The following DRC11 variants were observed in gnomAD, a reference collection of about 807,000 sequenced individuals.
The protein encoded by DRC11 is IQ and AAA domain-containing protein 1.
chr2:236,419,316 C>T, the DRC11 span: 24 of 1,509,096 alleles, frequency 1.6e-5, no homozygotes, highest in Non-Finnish European at 1.8e-5. This position sits in a 1 kb window ranked among gnomAD's most constrained non-coding sequence, Gnocchi z 4.8. Flanking sequence ...AGATCCCTAT[C>T]AAGAGAAGGA....
chr2:236,315,255 G>A, the DRC11 span, among the ~76,000 whole-genome samples: 2 of 152,186 alleles, frequency 1.3e-5, no homozygotes, highest in Non-Finnish European at 2.9e-5. This position sits in a 1 kb window ranked among gnomAD's most constrained non-coding sequence, Gnocchi z 5.1. Flanking sequence ...CTGGAGCTTT[G>A]GGTCAATCAC....
At chr2:236,500,453 C>G in the DRC11 span, among the ~76,000 whole-genome samples, 2 of 152,054 alleles carry the variant, frequency 1.3e-5, no homozygotes, top group Non-Finnish European at 2.9e-5. The surrounding 1 kb of genome is among the most constrained non-coding windows in gnomAD (Gnocchi z 6.3). Context: ...GCGTAAAAAC[C>G]AACACTCTTC....
At chr2:236,477,757 A>G in the DRC11 span, among the ~76,000 whole-genome samples, 1 of 151,978 alleles carries the variant, frequency 6.6e-6, no homozygotes, top group Admixed American at 6.6e-5. Context: ...TCATGGTTCA[A>G]TTTTGGTAGG....
At chr2:236,321,485 C>G in the DRC11 span, among the ~76,000 whole-genome samples, 1 of 152,212 alleles carries the variant, frequency 6.6e-6, no homozygotes, top group African/African-American at 2.4e-5. Context: ...CTAAGCGTAT[C>G]TACACTCCCT....
the DRC11 span, among the ~76,000 whole-genome samples, chr2:236,316,767 C>G: frequency 6.6e-6 from 1 of 152,162 alleles, no homozygotes; most frequent in Non-Finnish European, 1.5e-5. This position sits in a 1 kb window ranked among gnomAD's most constrained non-coding sequence, Gnocchi z 6.8. Context: ...CCTGACCACA[C>G]CAAGTTGGAA....
the DRC11 span, among the ~76,000 whole-genome samples, chr2:236,362,017 G>A: frequency 6.6e-6 from 1 of 152,036 alleles, no homozygotes; most frequent in Non-Finnish European, 1.5e-5. This position sits in a 1 kb window ranked among gnomAD's most constrained non-coding sequence, Gnocchi z 5.7. Context: ...GGACAAAAAG[G>A]GTCATTTCAT....
At chr2:236,409,778 G>A in the DRC11 span, among the ~76,000 whole-genome samples, 556 of 151,992 alleles carry the variant, frequency 3.7e-3, 10 homozygotes, top group African/African-American at 0.013. Context: ...TTTGAAATAC[G>A]TCCCATCAAT....
chr2:236,491,689 C>G, the DRC11 span, among the ~76,000 whole-genome samples: 4 of 152,078 alleles, frequency 2.6e-5, no homozygotes, highest in African/African-American at 9.7e-5. Flanking sequence ...GATGCATGGA[C>G]AGAAAGCACA....
the DRC11 span, among the ~76,000 whole-genome samples, chr2:236,501,431 A>G: frequency 6.6e-6 from 1 of 152,128 alleles, no homozygotes; most frequent in Non-Finnish European, 1.5e-5. Flanking sequence ...CCATCACTCA[A>G]AAGAACAACA....
the DRC11 span, among the ~76,000 whole-genome samples, chr2:236,354,259 ATGTGTGCG>A: frequency 6.6e-6 from 1 of 151,198 alleles, no homozygotes; most frequent in Admixed American, 6.6e-5. Context: ...TAGTGTGCAC[ATGTGTGCG>A]TGTGTGTGTA....
At chr2:236,477,825 A>G in the DRC11 span, among the ~76,000 whole-genome samples, 1 of 152,154 alleles carries the variant, frequency 6.6e-6, no homozygotes, top group South Asian at 2.1e-4. Context: ...GTTGGTGTAC[A>G]GTTTTTTTGT....
the DRC11 span, among the ~76,000 whole-genome samples, chr2:236,495,217 C>T: frequency 1.3e-5 from 2 of 152,234 alleles, no homozygotes; most frequent in Admixed American, 1.3e-4. This position sits in a 1 kb window ranked among gnomAD's most constrained non-coding sequence, Gnocchi z 5.6. Flanking sequence ...GTGGCATGCA[C>T]CTGTAATCCC....
At chr2:236,331,534 C>T in the DRC11 span, 1 of 1,613,966 alleles carries the variant, frequency 6.2e-7, no homozygotes, top group Non-Finnish European at 8.5e-7. This position sits in a 1 kb window ranked among gnomAD's most constrained non-coding sequence, Gnocchi z 4.8. Flanking sequence ...CTTCGCCAGG[C>T]AGCTGACATT....
chr2:236,396,570 C>T, the DRC11 span, among the ~76,000 whole-genome samples: 2 of 152,028 alleles, frequency 1.3e-5, no homozygotes, highest in Non-Finnish European at 2.9e-5. Context: ...GCTTTTGGGC[C>T]GGTCAGCAGG....
At chr2:236,491,153 C>CTGTGTATATATATATATATATAT in the DRC11 span, among the ~76,000 whole-genome samples, 1 of 52,018 alleles carries the variant, frequency 1.9e-5, no homozygotes, top group South Asian at 4.6e-4. Flanking sequence ...TATATATATA[C>CTGTGTATATATATATATATATAT]ACACAGTATA....
chr2:236,449,046 G>C, the DRC11 span, among the ~76,000 whole-genome samples: 3 of 151,490 alleles, frequency 2.0e-5, no homozygotes, highest in Non-Finnish European at 4.4e-5. The surrounding 1 kb of genome is among the most constrained non-coding windows in gnomAD (Gnocchi z 5.1). Flanking sequence ...TTTTAGTAGA[G>C]ATGGGGTTTC....
chr2:236,491,271 T>TATATATATAC, the DRC11 span, among the ~76,000 whole-genome samples: 252 of 67,450 alleles, frequency 3.7e-3, 12 homozygotes, highest in African/African-American at 0.016. Flanking sequence ...TATATATATA[T>TATATATATAC]ACACACAGTA....
the DRC11 span, among the ~76,000 whole-genome samples, chr2:236,451,395 C>T: frequency 6.6e-6 from 1 of 151,702 alleles, no homozygotes; most frequent in Non-Finnish European, 1.5e-5. Context: ...ATGAGTATAG[C>T]TGCCTTGTTT....
the DRC11 span, among the ~76,000 whole-genome samples, chr2:236,456,270 C>T: frequency 6.6e-6 from 1 of 152,280 alleles, no homozygotes; most frequent in East Asian, 1.9e-4. This position sits in a 1 kb window ranked among gnomAD's most constrained non-coding sequence, Gnocchi z 5.4. Context: ...ATTACTACCC[C>T]TACCTCATTT....
Sources: gnomAD v4.1 joint callset for allele counts (sites outside exome capture counted in the v4.1 genomes callset) on GRCh38, gnomAD v4.1.1 for gene constraint, Gnocchi (gnomAD v3.1) non-coding constraint, MANE v1.5 for transcripts, NCBI Gene and HGNC (gene_info 2026-07-23, HGNC 2026-07-21) for gene names.